The following FRMPD3 variants were observed in gnomAD, a reference collection of about 807,000 sequenced individuals.
FRMPD3 encodes the protein FERM and PDZ domain-containing protein 3.
FRMPD3 carries 42 observed loss-of-function variants against 97.9 expected under a neutral mutation model. That is an observed-to-expected ratio of 0.43 (90% CI 0.34 to 0.55). FRMPD3 has a LOEUF of 0.55. Among genes scored for constraint, FRMPD3 ranks in the 20% least tolerant of loss-of-function variants. FRMPD3 has a pLI of 0.03. For missense variants in FRMPD3, 1,303 were observed against 1,457.7 expected, an observed-to-expected ratio of 0.89 and a Z score of 1.73; for synonymous variants, 577 against 581.1, an observed-to-expected ratio of 0.99 and a Z score of 0.10.
Position 107,526,739 on chromosome X carries a change from A to G in FRMPD3, c.148+3A>G. ...GGTGGTTCGATCTGTGAGGCCAGGTAGGTGTCCCTCAGAGTGTTCCCCTAG... is the reference window on the plus strand; with the variant it reads ...GGTGGTTCGATCTGTGAGGCCAGGTGGGTGTCCCTCAGAGTGTTCCCCTAG... On this transcript the variant is annotated splice_donor_region_variant and intron_variant, in intron 2 of 14. Coordinates refer to ENST00000683843, the MANE Select transcript of FRMPD3 (RefSeq NM_001388459.1). The G allele has an allele frequency of 8.4e-7, 1 of 1,195,642 alleles. No individual in the cohort carries two copies. The highest frequency in any genetic ancestry group is 1.8e-5 in the South Asian group (1 of 54,097).
rs1924645529 is a variant in FRMPD3, at chrX:107,603,247, A to AG, written c.5208_5209insG (p.Gln1737AlafsTer41). On this transcript the variant is annotated frameshift_variant, in exon 15 of 15. Coordinates refer to ENST00000683843, the MANE Select transcript of FRMPD3 (RefSeq NM_001388459.1). LOFTEE classifies it high-confidence loss of function. Reference sequence around the variant, plus strand: ...AACAACAACAGCAGCAGCAACAACAACAGCAGCAGCAGCAGCAGCAGGTGG... The same window carrying AG: ...AACAACAACAGCAGCAGCAACAACAAGCAGCAGCAGCAGCAGCAGCAGGTGG... The AG allele has an allele frequency of 1.4e-5, 16 of 1,123,293 alleles. No individual in the cohort carries two copies. Among genetic ancestry groups the AG allele is most frequent in the African/African-American group, 2.0e-5 (1 of 50,506 alleles). 92.6% of individuals were successfully genotyped at this position (1,123,293 alleles called of 1,213,427 possible). A position where few individuals can be genotyped will look rare whatever the true frequency, so the allele number is the denominator to read the frequency against.
chrX:107,512,132 C>T lies in FRMPD3; in HGVS notation c.-7-14450C>T, dbSNP rs571130227. ...AAATTGGCCTAAGTCAGGAAGGTGTCCTGGGTCTCTTCCTCATGCCGTTTC... is the reference window on the plus strand; with the variant it reads ...AAATTGGCCTAAGTCAGGAAGGTGTTCTGGGTCTCTTCCTCATGCCGTTTC... On this transcript the variant is annotated intron_variant, in intron 1 of 14. Transcript: ENST00000683843. 1.4e-4 allele frequency among the ~76,000 whole-genome samples: 15 copies of T among 110,611 alleles called. No individual in the cohort carries two copies. In the South Asian group the frequency reaches 5.9e-3, roughly 44 times the overall value.
intron 1 of FRMPD3, among the ~76,000 whole-genome samples, chrX:107,483,556 T>C (rs1470030414): frequency 8.9e-6 from 1 of 111,833 alleles, no homozygotes; most frequent in Non-Finnish European, 1.9e-5. Flanking sequence ...TCATGATGGC[T>C]CCCAGAATTC....
At chrX:107,573,633 C>A (rs1922996005) in intron 12 of FRMPD3, among the ~76,000 whole-genome samples, 1 of 112,030 alleles carries the variant, frequency 8.9e-6, no homozygotes, top group Admixed American at 9.5e-5. Context: ...CCTCAAGGTA[C>A]AAACTGTTCC....
At chrX:107,502,435 C>T (rs1602762875) in intron 1 of FRMPD3, among the ~76,000 whole-genome samples, 2 of 110,876 alleles carry the variant, frequency 1.8e-5, no homozygotes, top group East Asian at 5.7e-4. Context: ...AAGGAATATC[C>T]CTGCAACTTC....
chrX:107,454,235 T>A (rs1931340390), intron 1 of FRMPD3, among the ~76,000 whole-genome samples: 1 of 111,290 alleles, frequency 9.0e-6, no homozygotes, highest in Non-Finnish European at 1.9e-5. Flanking sequence ...ATCTGGGTGT[T>A]CTCCAGCTCC....
At chrX:107,527,171 A>C (rs1922729230) in intron 2 of FRMPD3, among the ~76,000 whole-genome samples, 1 of 112,174 alleles carries the variant, frequency 8.9e-6, no homozygotes, top group Non-Finnish European at 1.9e-5. Flanking sequence ...CTGTGGAGAC[A>C]TGTATATACT....
At chrX:107,558,564 A>T (rs2147593573) in intron 8 of FRMPD3, among the ~76,000 whole-genome samples, 1 of 112,050 alleles carries the variant, frequency 8.9e-6, no homozygotes, top group South Asian at 3.7e-4. Flanking sequence ...TTGGCCCTTC[A>T]TATCTACAGG....
chrX:107,467,318 AGAGT>A (rs1931589108), intron 1 of FRMPD3, among the ~76,000 whole-genome samples: 1 of 110,750 alleles, frequency 9.0e-6, no homozygotes, highest in Non-Finnish European at 1.9e-5. Flanking sequence ...TGACAGAGAG[AGAGT>A]GCAAGCACAT....
chrX:107,527,807 C>G (rs1922756429), intron 2 of FRMPD3, among the ~76,000 whole-genome samples: 1 of 111,500 alleles, frequency 9.0e-6, no homozygotes, highest in African/African-American at 3.3e-5. Flanking sequence ...TGTAAGCTCT[C>G]TCTTCAACTA....
chrX:107,527,370 G>A (rs1017151105), intron 2 of FRMPD3, among the ~76,000 whole-genome samples: 2 of 112,541 alleles, frequency 1.8e-5, no homozygotes, highest in African/African-American at 6.5e-5. Context: ...AAGTAAATAA[G>A]TAATATCATT....
intron 1 of FRMPD3, among the ~76,000 whole-genome samples, chrX:107,512,059 GCACACA>G (rs910131870): frequency 7.6e-5 from 8 of 105,162 alleles, no homozygotes; most frequent in African/African-American, 2.1e-4. Flanking sequence ...ACACACACGC[GCACACA>G]CACACACACT....
intron 1 of FRMPD3, among the ~76,000 whole-genome samples, chrX:107,517,099 A>G (rs1277720402): frequency 2.7e-5 from 3 of 112,024 alleles, no homozygotes; most frequent in African/African-American, 9.7e-5. Flanking sequence ...ACCTATGGCT[A>G]GCCAGTTTTC....
At chrX:107,573,399 A>G (rs1300327764) in intron 12 of FRMPD3, among the ~76,000 whole-genome samples, 1 of 111,840 alleles carries the variant, frequency 8.9e-6, no homozygotes, top group Non-Finnish European at 1.9e-5. Context: ...CTACAGTGGC[A>G]GCAAGACAGC....
intron 1 of FRMPD3, among the ~76,000 whole-genome samples, chrX:107,480,572 A>G (rs1346086584): frequency 2.7e-5 from 3 of 109,843 alleles, no homozygotes; most frequent in African/African-American, 6.6e-5. Flanking sequence ...GCTCACTCCT[A>G]TAATCCTAGA....
intron 1 of FRMPD3, among the ~76,000 whole-genome samples, chrX:107,457,619 G>C (rs1276719577): frequency 8.9e-6 from 1 of 112,035 alleles, no homozygotes; most frequent in Non-Finnish European, 1.9e-5. Context: ...CAATATGGAG[G>C]CTGTGTGGAC....
chrX:107,597,697 A>G lies in FRMPD3; in HGVS notation c.1818A>G (p.Glu606=). The change falls in exon 14 of 15, where the codon GAA becomes GAG. Residue 606 remains glutamate, a synonymous_variant. Transcript: ENST00000683843. ...SYTLDNSLGA[E]ALNFYCDSCK... ...CCTTGGACAATTCCCTTGGGGCTGA[A>G]GCCCTGAATTTCTACTGTGACTCTT... 2.5e-6 allele frequency: 3 copies of G among 1,209,738 alleles called. No homozygotes were observed. Among genetic ancestry groups the G allele is most frequent in the Non-Finnish European group, 3.4e-6 (3 of 894,868 alleles).
intron 1 of FRMPD3, among the ~76,000 whole-genome samples, chrX:107,484,678 A>G (rs945045607): frequency 1.8e-5 from 2 of 112,150 alleles, no homozygotes; most frequent in African/African-American, 6.5e-5. Flanking sequence ...TAGTCCAGGT[A>G]CTGGGTCTTA....
At chrX:107,517,620 G>T (rs1922377200) in intron 1 of FRMPD3, among the ~76,000 whole-genome samples, 1 of 109,961 alleles carries the variant, frequency 9.1e-6, no homozygotes, top group South Asian at 3.9e-4. Flanking sequence ...AAATGGCCAG[G>T]TGTGGTGGCA....
Sources: allele counts gnomAD v4.1 joint callset (sites outside exome capture counted in the v4.1 genomes callset), GRCh38; gene constraint gnomAD v4.1.1; transcripts MANE v1.5; gene names NCBI Gene and HGNC (gene_info 2026-07-23, HGNC 2026-07-21).